FRMD6: variants seen among roughly 807,000 people sequenced by gnomAD.
The protein encoded by FRMD6 is FERM domain containing 6, also known as FERM domain-containing protein 6.
FRMD6 carries 37 observed loss-of-function variants against 73.2 expected under a neutral mutation model. The observed-to-expected ratio is 0.51, with a 90% CI of 0.39 to 0.66. The LOEUF (loss-of-function observed/expected upper bound fraction) is 0.66, where lower values mean the gene tolerates loss of function less well. FRMD6 is among the 30% of genes least tolerant of loss of function. The probability of loss-of-function intolerance (pLI) is 0.00; values close to 1 mark genes in which losing one functional copy is unlikely to be tolerated. For synonymous variants in FRMD6, 273 were observed against 282.2 expected, an observed-to-expected ratio of 0.97 and a Z score of 0.33; for missense variants, 714 against 780.5, an observed-to-expected ratio of 0.91 and a Z score of 1.02.
At chr14:51,629,319 T>G (rs528418294) in intron 2 of FRMD6, among the ~76,000 whole-genome samples, 4 of 152,270 alleles carry the variant, frequency 2.6e-5, no homozygotes, top group Admixed American at 2.6e-4. Context: ...TTATGAATAA[T>G]GCTGCTATGA....
chr14:51,557,386 C>A (rs2139479922), intron 1 of FRMD6, among the ~76,000 whole-genome samples: 1 of 151,996 alleles, frequency 6.6e-6, no homozygotes, highest in South Asian at 2.1e-4. Flanking sequence ...GTGGTATAAG[C>A]CAGGCACAGA....
intron 2 of FRMD6, among the ~76,000 whole-genome samples, chr14:51,607,547 T>C (rs1594595047): frequency 6.6e-6 from 1 of 152,154 alleles, no homozygotes; most frequent in African/African-American, 2.4e-5. Context: ...GTAAGTAATA[T>C]TTCCAAAATA....
chr14:51,588,868 T>C (rs1316803599), intron 2 of FRMD6, among the ~76,000 whole-genome samples: 1 of 152,208 alleles, frequency 6.6e-6, no homozygotes, highest in African/African-American at 2.4e-5. Context: ...ACATGAACAG[T>C]GTGGCTTGGT....
At chr14:51,594,331 TTTA>T (rs1889586025) in intron 2 of FRMD6, among the ~76,000 whole-genome samples, 1 of 149,548 alleles carries the variant, frequency 6.7e-6, no homozygotes, top group South Asian at 2.1e-4. Flanking sequence ...TATTTATTTA[TTTA>T]TTTATTTTTT....
chr14:51,583,705 G>C (rs989607849), intron 2 of FRMD6, among the ~76,000 whole-genome samples: 4 of 152,198 alleles, frequency 2.6e-5, no homozygotes, highest in African/African-American at 4.8e-5. Flanking sequence ...TCTGGCTCCA[G>C]GGCCCAGGCT....
At chr14:51,603,645 A>AG (rs1370329108) in intron 2 of FRMD6, among the ~76,000 whole-genome samples, 4 of 152,182 alleles carry the variant, frequency 2.6e-5, no homozygotes, top group African/African-American at 9.7e-5. Flanking sequence ...CAGTGGAGCA[A>AG]GGGCCTTGGC....
the FRMD6 span, among the ~76,000 whole-genome samples, chr14:51,408,210 G>A: frequency 6.6e-6 from 1 of 150,724 alleles, no homozygotes; most frequent in Non-Finnish European, 1.5e-5. Context: ...AGGCTGGAGT[G>A]CAGTGGTACA....
intron 1 of FRMD6, among the ~76,000 whole-genome samples, chr14:51,543,286 T>G (rs1324840939): frequency 1.3e-5 from 2 of 152,002 alleles, no homozygotes; most frequent in African/African-American, 2.4e-5. Context: ...TATCAAAAAT[T>G]ATGCCCATTC....
chr14:51,601,151 A>G (rs188198223), intron 2 of FRMD6, among the ~76,000 whole-genome samples: 177 of 152,248 alleles, frequency 1.2e-3, no homozygotes, highest in African/African-American at 4.0e-3. Flanking sequence ...AGCATCCACT[A>G]TGCTTTGGGT....
At chr14:51,585,900 A>G (rs1399343735) in intron 2 of FRMD6, among the ~76,000 whole-genome samples, 1 of 71,892 alleles carries the variant, frequency 1.4e-5, no homozygotes, top group Non-Finnish European at 3.3e-5. Flanking sequence ...TATTCTTTTT[A>G]TGGCTGAATA....
chr14:51,454,474 C>T, the FRMD6 span: 1 of 152,150 alleles, frequency 6.6e-6, no homozygotes, highest in Non-Finnish European at 1.5e-5. Context: ...AATTCCAGGA[C>T]AGGAAAAATT....
intron 3 of FRMD6, among the ~76,000 whole-genome samples, chr14:51,699,813 T>C (rs1376174938): frequency 6.6e-6 from 1 of 152,028 alleles, no homozygotes; most frequent in Non-Finnish European, 1.5e-5. Flanking sequence ...AGGTGGGAAC[T>C]CAAGCCAAAC....
intron 5 of FRMD6, among the ~76,000 whole-genome samples, chr14:51,703,210 A>T (rs1896431826): frequency 6.6e-6 from 1 of 152,060 alleles, no homozygotes; most frequent in Non-Finnish European, 1.5e-5. Context: ...TAGGCTCAGG[A>T]TGCAAATTCA....
At chr14:51,437,372 G>C in the FRMD6 span, among the ~76,000 whole-genome samples, 1 of 150,952 alleles carries the variant, frequency 6.6e-6, no homozygotes, top group East Asian at 2.0e-4. Flanking sequence ...GCGCGATCTC[G>C]GCTCACTGCA....
At chr14:51,428,020 G>C in the FRMD6 span, among the ~76,000 whole-genome samples, 3 of 152,196 alleles carry the variant, frequency 2.0e-5, no homozygotes, top group Non-Finnish European at 4.4e-5. Flanking sequence ...GAATCGTTTT[G>C]GGAGGTGGAG....
intron 1 of FRMD6, among the ~76,000 whole-genome samples, chr14:51,653,182 G>T (rs1056520032): frequency 6.6e-6 from 1 of 150,472 alleles, no homozygotes; most frequent in African/African-American, 2.5e-5. Flanking sequence ...TGGAGAAAAA[G>T]TATCTCTTGC....
chr14:51,436,644 C>G, the FRMD6 span: 1 of 535,068 alleles, frequency 1.9e-6, no homozygotes, highest in Non-Finnish European at 3.5e-6. Flanking sequence ...GAGTTTTTTA[C>G]CTGGTTTACT....
At chr14:51,423,203 G>A in the FRMD6 span, among the ~76,000 whole-genome samples, 1 of 152,140 alleles carries the variant, frequency 6.6e-6, no homozygotes, top group African/African-American at 2.4e-5. Flanking sequence ...CACTTTATAA[G>A]ATCAAAATAA....
intron 1 of FRMD6, among the ~76,000 whole-genome samples, chr14:51,504,207 C>A (rs1001552996): frequency 2.6e-5 from 4 of 152,204 alleles, no homozygotes; most frequent in Non-Finnish European, 4.4e-5. Flanking sequence ...TTGCTGGGGT[C>A]AGCTCCAGAC....
Sources: gnomAD v4.1 joint callset for allele counts (sites outside exome capture counted in the v4.1 genomes callset) on GRCh38, gnomAD v4.1.1 for gene constraint, MANE v1.5 for transcripts, NCBI Gene and HGNC (gene_info 2026-07-23, HGNC 2026-07-21) for gene names.